The following RSPO2 variants were observed in gnomAD, a reference collection of about 807,000 sequenced individuals.
RSPO2 encodes the protein R-spondin 2, also known as R-spondin-2.
A neutral mutation model predicts 30.9 loss-of-function variants in RSPO2; 14 were observed. That is an observed-to-expected ratio of 0.45 (90% CI 0.30 to 0.71). The LOEUF (loss-of-function observed/expected upper bound fraction) is 0.71, where lower values mean the gene tolerates loss of function less well. RSPO2 is among the 30% of genes least tolerant of loss of function. The pLI is 0.08. For missense variants in RSPO2, 264 were observed against 301.9 expected (o/e 0.87, Z 0.93); for synonymous variants, 107 against 96.4 (o/e 1.11, Z -0.64).
At chr8:107,957,773 C>T (rs973149455) in intron 5 of RSPO2, among the ~76,000 whole-genome samples, 24 of 152,130 alleles carry the variant, frequency 1.6e-4, no homozygotes, top group South Asian at 4.1e-4. Flanking sequence ...CGTAAGAACC[C>T]GCTTTTATGG....
chr8:107,899,594 A>AAAC lies in RSPO2; in HGVS notation c.*1478_*1480dup, dbSNP rs941620978. The stretch of plus-strand genomic sequence containing the variant: ...AAGATGCTTTTGAATCAAAAGTTAA[A>AAAC]AACACTGAAGAGGTAGTTTTGCCAA... On this transcript the variant is annotated 3_prime_UTR_variant, in exon 6 of 6. Transcript: ENST00000276659. 2.5e-4 allele frequency: 38 copies of AAAC among 152,778 alleles called. No homozygotes were observed. Among genetic ancestry groups the AAAC allele is most frequent in the Admixed American group, 6.5e-4 (10 of 15,308 alleles). The allele number at this position is 152,778 out of a possible 1,614,324, so 9.5% of individuals were successfully genotyped here.
intron 2 of RSPO2, among the ~76,000 whole-genome samples, chr8:108,030,416 A>C (rs991621908): frequency 2.6e-5 from 4 of 152,182 alleles, no homozygotes; most frequent in Non-Finnish European, 5.9e-5. Flanking sequence ...TGTAATGTAT[A>C]AGCAGTGGCC....
chr8:108,026,175 C>T (rs1811210073), intron 2 of RSPO2, among the ~76,000 whole-genome samples: 1 of 152,108 alleles, frequency 6.6e-6, no homozygotes, highest in African/African-American at 2.4e-5. Flanking sequence ...AAACAGCAGA[C>T]AAATCCAAGT....
chr8:107,912,648 A>G (rs1216425691), intron 5 of RSPO2, among the ~76,000 whole-genome samples: 1 of 152,210 alleles, frequency 6.6e-6, no homozygotes, highest in African/African-American at 2.4e-5. Context: ...AAAAATTCTA[A>G]AGAGACTAAG....
intron 5 of RSPO2, among the ~76,000 whole-genome samples, chr8:107,908,641 G>A (rs1375992743): frequency 6.6e-6 from 1 of 152,084 alleles, no homozygotes; most frequent in Non-Finnish European, 1.5e-5. Flanking sequence ...ACCCCCATTG[G>A]AGGCTTTTTA....
At chr8:108,036,099 C>A (rs937376240) in intron 2 of RSPO2, among the ~76,000 whole-genome samples, 1 of 152,044 alleles carries the variant, frequency 6.6e-6, no homozygotes, top group Non-Finnish European at 1.5e-5. Flanking sequence ...TGGGCATTTC[C>A]TTCATGCCAG....
At chr8:107,983,171 A>G (rs1814510132) in intron 3 of RSPO2, 1 of 1,541,818 alleles carries the variant, frequency 6.5e-7, no homozygotes, top group East Asian at 2.2e-5. Flanking sequence ...AGATGAGCAG[A>G]CCGTTTATTA....
Position 108,070,128 on chromosome 8 carries a change from A to G in RSPO2, c.94+12417T>C, listed in dbSNP as rs1812792582. ...AATATCTAGCATATTACTGAAGTTT[A>G]CAACAATGATGCAGAAGCATATGGT... On this transcript the variant is annotated intron_variant, in intron 2 of 5. Transcript: ENST00000276659. Among the ~76,000 whole-genome samples the G allele has an allele frequency of 2.0e-5, 3 of 152,196 alleles. No individual in the cohort carries two copies. The South Asian group carries it at 6.2e-4, about 32-fold the overall frequency.
intron 2 of RSPO2, among the ~76,000 whole-genome samples, chr8:108,014,716 G>A (rs1027863992): frequency 2.0e-5 from 3 of 151,912 alleles, no homozygotes; most frequent in Admixed American, 6.6e-5. Flanking sequence ...GCTAGGGGAG[G>A]GATAGCATTA....
At chr8:107,994,141 G>T (rs139133091) in intron 2 of RSPO2, among the ~76,000 whole-genome samples, 1 of 152,058 alleles carries the variant, frequency 6.6e-6, no homozygotes, top group Non-Finnish European at 1.5e-5. Flanking sequence ...ATGGAAATGT[G>T]CTATATCTTG....
intron 2 of RSPO2, among the ~76,000 whole-genome samples, chr8:108,041,886 T>C (rs998043568): frequency 7.9e-5 from 12 of 151,936 alleles, no homozygotes; most frequent in Non-Finnish European, 5.9e-5. Flanking sequence ...GGGAGTAGGA[T>C]AATAAAGATG....
At chr8:107,973,526 ACACACT>A (rs1045689284) in intron 3 of RSPO2, among the ~76,000 whole-genome samples, 6 of 29,514 alleles carry the variant, frequency 2.0e-4, no homozygotes, top group South Asian at 2.6e-3. Flanking sequence ...ACACACAGAC[ACACACT>A]CACACACACA....
At chr8:107,944,740 C>T (rs867248565) in intron 5 of RSPO2, among the ~76,000 whole-genome samples, 2 of 152,164 alleles carry the variant, frequency 1.3e-5, no homozygotes, top group Admixed American at 6.5e-5. Context: ...CACCTCTCAG[C>T]ACTTTAGTTT....
At chr8:107,946,569 G>A (rs1033584206) in intron 5 of RSPO2, among the ~76,000 whole-genome samples, 10 of 152,124 alleles carry the variant, frequency 6.6e-5, no homozygotes, top group South Asian at 2.1e-4. Context: ...AAGGTAGGCC[G>A]AAATTAAAGG....
intron 5 of RSPO2, among the ~76,000 whole-genome samples, chr8:107,920,468 G>C (rs1812125228): frequency 6.6e-6 from 1 of 152,096 alleles, no homozygotes; most frequent in African/African-American, 2.4e-5. Context: ...CTCTAGGGAA[G>C]TCTGCAATGG....
At chr8:107,925,349 T>A (rs568773409) in intron 5 of RSPO2, among the ~76,000 whole-genome samples, 1 of 151,916 alleles carries the variant, frequency 6.6e-6, no homozygotes, top group East Asian at 1.9e-4. Context: ...AGAAGTTATT[T>A]GAAACACACA....
chr8:107,946,361 G>A (rs1807129770), intron 5 of RSPO2, among the ~76,000 whole-genome samples: 2 of 152,210 alleles, frequency 1.3e-5, no homozygotes, highest in Admixed American at 1.3e-4. Flanking sequence ...GCAAGCCTGA[G>A]TAACTAGAAG....
intron 5 of RSPO2, among the ~76,000 whole-genome samples, chr8:107,931,028 C>T (rs911656650): frequency 5.9e-5 from 9 of 152,004 alleles, no homozygotes; most frequent in African/African-American, 9.7e-5. Context: ...TTTTTCTACC[C>T]GGGCTGGAAA....
intron 5 of RSPO2, among the ~76,000 whole-genome samples, chr8:107,924,201 G>A (rs1371663504): frequency 6.6e-6 from 1 of 152,016 alleles, no homozygotes; most frequent in Non-Finnish European, 1.5e-5. Context: ...CTGAAGATGT[G>A]CTTCAGAAAG....
Sources: gnomAD v4.1 joint callset for allele counts (sites outside exome capture counted in the v4.1 genomes callset) on GRCh38, gnomAD v4.1.1 for gene constraint, MANE v1.5 for transcripts, NCBI Gene and HGNC (gene_info 2026-07-23, HGNC 2026-07-21) for gene names.